Variants in FARP2 observed in about 807,000 individuals in gnomAD.
The protein encoded by FARP2 is FERM, ARH/RhoGEF and pleckstrin domain protein 2, also known as FERM, ARHGEF and pleckstrin domain-containing protein 2.
Under a neutral mutation model 130.5 loss-of-function variants are expected in FARP2, and 111 were observed. The observed-to-expected ratio is 0.85, with a 90% CI of 0.73 to 1.00. The LOEUF is 1.00. Ranked by LOEUF, FARP2 falls within the 50% of genes least tolerant of loss-of-function variation. The pLI, the probability that FARP2 is intolerant of heterozygous loss-of-function variation, is 0.00. For synonymous variants in FARP2, 504 were observed against 516.9 expected (o/e 0.98, Z 0.34); for missense variants, 1,385 against 1,346.3 (o/e 1.03, Z -0.45).
chr2:241,387,140 G>C (rs1036018101), intron 2 of FARP2: 16 of 152,106 alleles, frequency 1.1e-4, no homozygotes, highest in African/African-American at 3.9e-4. Context: ...TGTTTTATTC[G>C]GTCCTCTCTG....
intron 11 of FARP2, among the ~76,000 whole-genome samples, chr2:241,435,265 T>C (rs930518276): frequency 1.3e-5 from 2 of 150,894 alleles, no homozygotes; most frequent in Non-Finnish European, 3.0e-5. Context: ...TGGCTAGTTT[T>C]TTTTGTTTTT....
intron 1 of FARP2, among the ~76,000 whole-genome samples, chr2:241,358,222 T>C (rs2150272427): frequency 6.6e-6 from 1 of 152,282 alleles, no homozygotes; most frequent in African/African-American, 2.4e-5. Flanking sequence ...AAAAGCTGTG[T>C]TAACAAGATG....
At chr2:241,484,401 G>A in intron 21 of FARP2, 70 bp downstream of exon 21, 1 of 1,282,930 alleles carries the variant, frequency 7.8e-7, no homozygotes, top group South Asian at 1.2e-5. Flanking sequence ...CCTCTCTCCT[G>A]CAGAGGCGAA....
At chr2:241,384,203 C>G (rs2061732545) in intron 2 of FARP2, among the ~76,000 whole-genome samples, 1 of 152,068 alleles carries the variant, frequency 6.6e-6, no homozygotes, top group East Asian at 1.9e-4. Context: ...GAAATTTAGA[C>G]TGGTCATTAA....
chr2:241,441,721 G>C (rs780387875), intron 13 of FARP2, 165 bp downstream of exon 13: 5 of 1,061,426 alleles, frequency 4.7e-6, no homozygotes, highest in Non-Finnish European at 7.1e-6. Context: ...ATTTCCTTCC[G>C]GTGGGGAGCA....
At chr2:241,364,206 G>C (rs1364736157) in intron 1 of FARP2, among the ~76,000 whole-genome samples, 1 of 152,220 alleles carries the variant, frequency 6.6e-6, no homozygotes, top group East Asian at 1.9e-4. Flanking sequence ...GGAAGTATAA[G>C]AAGTTTTCAA....
At chr2:241,473,089 G>T (rs2064361479) in intron 18 of FARP2, among the ~76,000 whole-genome samples, 1 of 150,936 alleles carries the variant, frequency 6.6e-6, no homozygotes, top group African/African-American at 2.4e-5. Flanking sequence ...TGGGGACCCT[G>T]TTCTGAGGTG....
At chr2:241,470,410 C>A (rs539595641) in intron 18 of FARP2, among the ~76,000 whole-genome samples, 2 of 151,424 alleles carry the variant, frequency 1.3e-5, no homozygotes, top group Non-Finnish European at 2.9e-5. Flanking sequence ...GGGTCCTGTT[C>A]TGATGGGGAT....
chr2:241,401,051 G>C (rs1013728144), intron 2 of FARP2, among the ~76,000 whole-genome samples: 1 of 152,166 alleles, frequency 6.6e-6, no homozygotes, highest in Non-Finnish European at 1.5e-5. Context: ...ACACAGATTT[G>C]CCCTTTTGTT....
At chr2:241,390,469 G>A (rs1179971901) in intron 2 of FARP2, among the ~76,000 whole-genome samples, 1 of 152,118 alleles carries the variant, frequency 6.6e-6, no homozygotes, top group African/African-American at 2.4e-5. Context: ...ATCTCTAGAA[G>A]AATGCATCTG....
chr2:241,479,355 G>A (rs1328687361), intron 19 of FARP2, among the ~76,000 whole-genome samples: 6 of 152,342 alleles, frequency 3.9e-5, no homozygotes, highest in Non-Finnish European at 7.3e-5. Context: ...GGCAGGAAGC[G>A]GCCACGGCCT....
chr2:241,359,919 G>C (rs1047835739), intron 1 of FARP2, among the ~76,000 whole-genome samples: 10 of 152,184 alleles, frequency 6.6e-5, no homozygotes, highest in African/African-American at 2.4e-4. Flanking sequence ...TCTCCTTGCA[G>C]TGGTGGTCAT....
chr2:241,403,272 T>C (rs541837872), intron 2 of FARP2, among the ~76,000 whole-genome samples: 11 of 152,220 alleles, frequency 7.2e-5, no homozygotes, highest in Non-Finnish European at 1.5e-4. Context: ...TGGAGTGCAG[T>C]GGCACGATCA....
At chr2:241,493,193 TGGGCATTTGTACGTGCCACC>T in intron 25 of FARP2, 80 bp from the exon 26 acceptor site, 1 of 1,389,326 alleles carries the variant, frequency 7.2e-7, no homozygotes, top group Non-Finnish European at 1.0e-6. Flanking sequence ...CCTTGGCCCG[TGGGCATTTGTACGTGCCACC>T]GTTGTGCAGG....
At chr2:241,433,693 G>T (rs1346502566) in intron 9 of FARP2, among the ~76,000 whole-genome samples, 1 of 152,074 alleles carries the variant, frequency 6.6e-6, no homozygotes, top group East Asian at 1.9e-4. Context: ...TCTTAATTAA[G>T]CAGATGGAAC....
At chr2:241,493,134 C>T in intron 25 of FARP2, 98 bp downstream of exon 25, 1 of 1,141,998 alleles carries the variant, frequency 8.8e-7, no homozygotes, top group Non-Finnish European at 1.3e-6. Context: ...TTCTGCCCTC[C>T]CATGCTTTGC....
intron 19 of FARP2, among the ~76,000 whole-genome samples, chr2:241,480,973 C>A (rs932222636): frequency 6.8e-6 from 1 of 147,910 alleles, no homozygotes; most frequent in Non-Finnish European, 1.5e-5. Flanking sequence ...AGTCCCAGCA[C>A]TTTGGGAGGC....
chr2:241,377,542 C>G (rs2061567309), intron 2 of FARP2, among the ~76,000 whole-genome samples: 1 of 152,022 alleles, frequency 6.6e-6, no homozygotes, highest in Admixed American at 6.6e-5. Context: ...GGGGTTTCAC[C>G]TTGTTAGCCA....
intron 20 of FARP2, 24 bp from the exon 21 acceptor site, chr2:241,484,218 G>A (rs2064697470): frequency 1.2e-6 from 2 of 1,613,816 alleles, no homozygotes; most frequent in African/African-American, 2.7e-5. Flanking sequence ...GAAGTTCATG[G>A]ATGTAAAGCT....
Sources: allele counts gnomAD v4.1 joint callset (sites outside exome capture counted in the v4.1 genomes callset), GRCh38; gene constraint gnomAD v4.1.1; transcripts MANE v1.5; gene names NCBI Gene and HGNC (gene_info 2026-07-23, HGNC 2026-07-21).